CENPP: variants seen among roughly 807,000 people sequenced by gnomAD.
The protein encoded by CENPP is centromere protein P.
CENPP carries 24 observed loss-of-function variants against 35.6 expected under a neutral mutation model. The ratio of observed to expected loss-of-function variants is 0.67; its 90% CI spans 0.49 to 0.95. The LOEUF (loss-of-function observed/expected upper bound fraction) is 0.95, where lower values mean the gene tolerates loss of function less well. Among genes scored for constraint, CENPP ranks in the 40% least tolerant of loss-of-function variants. The pLI, the probability that CENPP is intolerant of heterozygous loss-of-function variation, is 0.00. For synonymous variants in CENPP, 120 were observed against 125.5 expected (o/e 0.96, Z 0.29); for missense variants, 332 against 345.3 (o/e 0.96, Z 0.31).
chr9:92,490,399 A>T (rs1483008991), intron 5 of CENPP, among the ~76,000 whole-genome samples: 3 of 152,182 alleles, frequency 2.0e-5, no homozygotes, highest in African/African-American at 7.2e-5. Context: ...ACTTCTTTTC[A>T]TGGGTACTTT....
chr9:92,354,032 A>G (rs1270248657), intron 4 of CENPP, among the ~76,000 whole-genome samples: 1 of 152,222 alleles, frequency 6.6e-6, no homozygotes, highest in East Asian at 1.9e-4. Flanking sequence ...TGGTAAGACC[A>G]GTGAATTCCA....
intron 5 of CENPP, among the ~76,000 whole-genome samples, chr9:92,539,775 A>C (rs1319828245): frequency 6.6e-6 from 1 of 152,180 alleles, no homozygotes; most frequent in Admixed American, 6.5e-5. Flanking sequence ...AGCTGAACTT[A>C]CTTTCCCAAT....
intron 5 of CENPP, among the ~76,000 whole-genome samples, chr9:92,474,284 T>C (rs1460811385): frequency 6.6e-6 from 1 of 152,210 alleles, no homozygotes; most frequent in African/African-American, 2.4e-5. Flanking sequence ...CATGGAGTTT[T>C]ACTGAAAAGT....
chr9:92,438,346 C>A (rs534100734), intron 5 of CENPP, among the ~76,000 whole-genome samples: 1 of 152,246 alleles, frequency 6.6e-6, no homozygotes, highest in South Asian at 2.1e-4. Context: ...GTTGAAAGGA[C>A]AGTTATTTCT....
chr9:92,331,438 C>T (rs758744073), intron 1 of CENPP, among the ~76,000 whole-genome samples: 2 of 152,182 alleles, frequency 1.3e-5, no homozygotes, highest in Non-Finnish European at 2.9e-5. Flanking sequence ...CCTTGGCTTC[C>T]CAAAGTGCTG....
intron 5 of CENPP, among the ~76,000 whole-genome samples, chr9:92,441,666 C>T (rs1295183013): frequency 1.3e-5 from 2 of 152,042 alleles, no homozygotes; most frequent in Admixed American, 6.6e-5. Context: ...GGCTGAGGCA[C>T]GAGAGTCACT....
In CENPP at chr9:92,366,021, A is replaced by T. The variant is rs546195391; in HGVS notation, c.468-13742A>T. 2.0e-5 allele frequency among the ~76,000 whole-genome samples: 3 copies of T among 151,998 alleles called. No homozygotes were observed. In the East Asian group the frequency reaches 5.9e-4, roughly 30 times the overall value. ...TGGTGAAACCCCGTCTCTACTAAAA[A>T]TTCAAAAAATTAGCCAGGCGCGGTG... On this transcript the variant is annotated intron_variant, in intron 4 of 7. Coordinates refer to ENST00000375587, the MANE Select transcript of CENPP (RefSeq NM_001012267.3).
At chr9:92,428,509 A>G (rs1195595282) in intron 5 of CENPP, among the ~76,000 whole-genome samples, 1 of 151,974 alleles carries the variant, frequency 6.6e-6, no homozygotes, top group African/African-American at 2.4e-5. Context: ...TTTCAAATTG[A>G]ATCTATTGGT....
At chr9:92,455,337 C>A (rs981741755) in intron 5 of CENPP, among the ~76,000 whole-genome samples, 4 of 152,098 alleles carry the variant, frequency 2.6e-5, no homozygotes, top group African/African-American at 9.7e-5. Flanking sequence ...CTACAGTGTG[C>A]TATGATCACA....
At chr9:92,404,581 GA>G in intron 5 of CENPP, 1 of 1,292,858 alleles carries the variant, frequency 7.7e-7, no homozygotes, top group Non-Finnish European at 1.0e-6. Flanking sequence ...GGGTGAATGA[GA>G]AAAGCTATGT....
chr9:92,336,054 C>A (rs1283950583), intron 2 of CENPP, among the ~76,000 whole-genome samples: 1 of 152,208 alleles, frequency 6.6e-6, no homozygotes, highest in Non-Finnish European at 1.5e-5. Flanking sequence ...TTAAGCATTG[C>A]ATCTATCTGT....
intron 5 of CENPP, among the ~76,000 whole-genome samples, chr9:92,499,613 A>G (rs1389752539): frequency 6.6e-6 from 1 of 152,260 alleles, no homozygotes; most frequent in Non-Finnish European, 1.5e-5. Flanking sequence ...GCAATGCAGT[A>G]TGAAGCATAT....
At chr9:92,348,553 C>T (rs373261599) in intron 4 of CENPP, among the ~76,000 whole-genome samples, 9 of 152,052 alleles carry the variant, frequency 5.9e-5, no homozygotes, top group East Asian at 5.8e-4. Flanking sequence ...CCACCACACC[C>T]GGCTAATTTT....
At chr9:92,484,476 A>G (rs1430499566) in intron 5 of CENPP, among the ~76,000 whole-genome samples, 1 of 152,218 alleles carries the variant, frequency 6.6e-6, no homozygotes, top group African/African-American at 2.4e-5. Context: ...ATTCTCATAC[A>G]TGAATAAGCC....
chr9:92,511,510 T>C (rs1847341691), intron 5 of CENPP, among the ~76,000 whole-genome samples: 1 of 151,978 alleles, frequency 6.6e-6, no homozygotes, highest in East Asian at 1.9e-4. Flanking sequence ...TCTCTCTCTT[T>C]CCCTCTTCTT....
At chr9:92,455,339 A>G (rs1263422401) in intron 5 of CENPP, among the ~76,000 whole-genome samples, 1 of 152,110 alleles carries the variant, frequency 6.6e-6, no homozygotes, top group African/African-American at 2.4e-5. Flanking sequence ...ACAGTGTGCT[A>G]TGATCACACT....
intron 5 of CENPP, among the ~76,000 whole-genome samples, chr9:92,402,159 G>A (rs1843142118): frequency 6.6e-6 from 1 of 152,140 alleles, no homozygotes; most frequent in Admixed American, 6.5e-5. Flanking sequence ...TCATCCAAGT[G>A]AGCCAATAGC....
At chr9:92,484,673 G>A (rs1314170623) in intron 5 of CENPP, among the ~76,000 whole-genome samples, 2 of 152,132 alleles carry the variant, frequency 1.3e-5, no homozygotes, top group Non-Finnish European at 2.9e-5. Flanking sequence ...GGTTTTGCAT[G>A]GCAACTGTTG....
intron 5 of CENPP, chr9:92,456,296 G>C (rs1354281704): frequency 6.6e-6 from 1 of 152,056 alleles, no homozygotes; most frequent in African/African-American, 2.4e-5. Context: ...AAAGAACTCT[G>C]AGCATTTATA....
Sources: gnomAD v4.1 joint callset for allele counts (sites outside exome capture counted in the v4.1 genomes callset) on GRCh38, gnomAD v4.1.1 for gene constraint, MANE v1.5 for transcripts, NCBI Gene and HGNC (gene_info 2026-07-23, HGNC 2026-07-21) for gene names.